Variants in RYR2 observed in about 807,000 individuals in gnomAD.
RYR2 encodes the protein ryanodine receptor 2.
RYR2 carries 227 observed loss-of-function variants against 601.1 expected under a neutral mutation model. That is an observed-to-expected ratio of 0.38 (90% confidence interval 0.34 to 0.42). RYR2 has a LOEUF of 0.42. Ranked by LOEUF, RYR2 falls within the 10% of genes least tolerant of loss-of-function variation. The pLI is 1.00. For missense variants in RYR2, 4,646 were observed against 6,156.5 expected, an observed-to-expected ratio of 0.75 and a Z score of 8.21; for synonymous variants, 2,223 against 2,175.1, an observed-to-expected ratio of 1.02 and a Z score of -0.61.
rs111751688 is a variant in RYR2 at position 237,043,122 on chromosome 1, C to A, written c.48+553C>A. 6.8e-3 allele frequency among the ~76,000 whole-genome samples: 1,031 copies of A among 152,246 alleles called. 12 individuals are homozygous for A. Among genetic ancestry groups the A allele is most frequent in the African/African-American group, 0.023 (976 of 41,554 alleles). ...AGCGTGCGGCGCAGCTGACCGGGGG[C>A]GGGGGTGATGGTGCAGGACGCTGCG... On this transcript the variant is annotated intron_variant, in intron 1 of 104. Transcript: ENST00000366574.
chr1:237,807,526 A>G (rs1440903183), intron 99 of RYR2, among the ~76,000 whole-genome samples: 2 of 151,966 alleles, frequency 1.3e-5, no homozygotes, highest in East Asian at 3.9e-4. Context: ...TAATTTTTGT[A>G]TTTTTAGTAG....
At chr1:237,358,046 T>C (rs185651114) in intron 4 of RYR2, among the ~76,000 whole-genome samples, 111 of 152,272 alleles carry the variant, frequency 7.3e-4, no homozygotes, top group Non-Finnish European at 1.4e-3. Context: ...CTGTTACAGG[T>C]AGACTTTGAA....
chr1:237,193,244 T>TCA (rs1220016986), intron 1 of RYR2, among the ~76,000 whole-genome samples: 1 of 149,420 alleles, frequency 6.7e-6, no homozygotes, highest in Non-Finnish European at 1.5e-5. Context: ...GGTGGGTGGA[T>TCA]CACGAGGTCA....
chr1:237,370,493 C>T (rs979638863), intron 6 of RYR2, among the ~76,000 whole-genome samples: 4 of 151,844 alleles, frequency 2.6e-5, no homozygotes, highest in African/African-American at 9.7e-5. Context: ...TCATTGTCTT[C>T]GTGTCAAATA....
intron 43 of RYR2, among the ~76,000 whole-genome samples, chr1:237,634,403 T>C (rs1680653606): frequency 6.6e-6 from 1 of 152,166 alleles, no homozygotes; most frequent in African/African-American, 2.4e-5. Flanking sequence ...ATGTGGACTC[T>C]AAAATCAAAG....
intron 63 of RYR2, 50 bp from the exon 64 acceptor site, chr1:237,698,915 C>G (rs754324436): frequency 4.1e-6 from 4 of 980,410 alleles, no homozygotes. Context: ...AAAAGAAGAA[C>G]ATTGAGAAAT....
At chr1:237,645,763 C>T (rs1328803649) in intron 48 of RYR2, among the ~76,000 whole-genome samples, 1 of 152,004 alleles carries the variant, frequency 6.6e-6, no homozygotes, top group Admixed American at 6.6e-5. Context: ...ATATTGTCTA[C>T]ATCGGGAGTC....
At chr1:237,494,305 C>T (rs1344134164) in intron 19 of RYR2, among the ~76,000 whole-genome samples, 1 of 152,192 alleles carries the variant, frequency 6.6e-6, no homozygotes, top group Non-Finnish European at 1.5e-5. Context: ...TGGCAAACCA[C>T]TGCTAAGTCC....
At chr1:237,366,580 A>T (rs150295512) in intron 5 of RYR2, among the ~76,000 whole-genome samples, 1 of 152,110 alleles carries the variant, frequency 6.6e-6, no homozygotes, top group Non-Finnish European at 1.5e-5. Context: ...GGCCAACTGT[A>T]TTTAAAAAAC....
intron 10 of RYR2, among the ~76,000 whole-genome samples, chr1:237,401,999 G>A (rs1041053359): frequency 6.6e-6 from 1 of 152,108 alleles, no homozygotes; most frequent in African/African-American, 2.4e-5. Context: ...TCAAACATGG[G>A]CACAGAAGAT....
chr1:237,696,492 A>G (rs1205688562), intron 63 of RYR2, among the ~76,000 whole-genome samples: 1 of 150,254 alleles, frequency 6.7e-6, no homozygotes, highest in African/African-American at 2.4e-5. Context: ...TATGTTTACA[A>G]TGCCCAAGTG....
At chr1:237,311,411 C>T (rs1380820486) in intron 2 of RYR2, among the ~76,000 whole-genome samples, 2 of 151,748 alleles carry the variant, frequency 1.3e-5, no homozygotes, top group African/African-American at 4.8e-5. Context: ...TACAGTGAGA[C>T]ATTTAAAACC....
At chr1:237,049,986 G>A (rs1449830946) in intron 1 of RYR2, among the ~76,000 whole-genome samples, 1 of 152,216 alleles carries the variant, frequency 6.6e-6, no homozygotes, top group Non-Finnish European at 1.5e-5. Context: ...AGCCCATGTG[G>A]AAGGTATATT....
At chr1:237,452,110 T>G (rs917240524) in intron 14 of RYR2, among the ~76,000 whole-genome samples, 2 of 149,510 alleles carry the variant, frequency 1.3e-5, no homozygotes, top group Non-Finnish European at 3.0e-5. Context: ...TGTGTGTATG[T>G]GTGTGTATAC....
intron 84 of RYR2, among the ~76,000 whole-genome samples, chr1:237,767,854 A>ACAAT: frequency 6.6e-6 from 1 of 152,288 alleles, no homozygotes; most frequent in South Asian, 2.1e-4. Flanking sequence ...CTCAAGATCC[A>ACAAT]CAATCAGCAT....
chr1:237,585,926 A>G (rs779605638), intron 29 of RYR2, among the ~76,000 whole-genome samples: 24 of 152,192 alleles, frequency 1.6e-4, no homozygotes, highest in Non-Finnish European at 3.2e-4. Flanking sequence ...ACACAGGAAT[A>G]TAATGAAAGT....
intron 26 of RYR2, among the ~76,000 whole-genome samples, chr1:237,550,290 C>A (rs1670254879): frequency 6.6e-6 from 1 of 152,148 alleles, no homozygotes; most frequent in Non-Finnish European, 1.5e-5. Flanking sequence ...GGTTAGAGAT[C>A]ACTGAAGTTG....
chr1:237,524,560 T>C (rs1159232247), intron 24 of RYR2, among the ~76,000 whole-genome samples: 1 of 152,206 alleles, frequency 6.6e-6, no homozygotes, highest in East Asian at 1.9e-4. Flanking sequence ...CTTCTAACTT[T>C]GCTATTCTGC....
At chr1:237,212,642 A>G (rs1231558716) in intron 1 of RYR2, among the ~76,000 whole-genome samples, 1 of 152,206 alleles carries the variant, frequency 6.6e-6, no homozygotes, top group Non-Finnish European at 1.5e-5. Context: ...AATATTGTTA[A>G]ATTAAAAGGC....
Sources: gnomAD v4.1 joint callset for allele counts (sites outside exome capture counted in the v4.1 genomes callset) on GRCh38, gnomAD v4.1.1 for gene constraint, MANE v1.5 for transcripts, NCBI Gene and HGNC (gene_info 2026-07-23, HGNC 2026-07-21) for gene names.